HCCS: variants seen among roughly 807,000 people sequenced by gnomAD.
HCCS encodes the protein holocytochrome c synthase.
HCCS carries 2 observed loss-of-function variants against 24.2 expected under a neutral mutation model. That is an observed-to-expected ratio of 0.08 (90% confidence interval 0.03 to 0.26). The LOEUF is 0.26. Ranked by LOEUF, HCCS falls within the 10% of genes least tolerant of loss-of-function variation. The pLI is 1.00. For missense variants in HCCS, 150 were observed against 213.3 expected (o/e 0.70, Z 1.85); for synonymous variants, 73 against 76.2 (o/e 0.96, Z 0.22).
At position 11,111,355 on chromosome X, in the gene HCCS, A is replaced by AGGCGGCGGCGGCGGCGGC. The variant is rs3086668; in HGVS notation, c.-198_-181dup. The AGGCGGCGGCGGCGGCGGC allele has an allele frequency of 3.1e-4, 51 of 162,646 alleles. 3 individuals carry two copies. Among genetic ancestry groups the AGGCGGCGGCGGCGGCGGC allele is most frequent in the Middle Eastern group, 2.3e-3 (1 of 430 alleles). The allele number at this position is 162,646 out of a possible 1,213,427, so 13.4% of individuals were successfully genotyped here. A position where few individuals can be genotyped will look rare whatever the true frequency, so the allele number is the denominator to read the frequency against. ...CCACAGCGGTGACCGAGTGAGAGGA[A>AGGCGGCGGCGGCGGCGGC]GGCGGCGGCGGCGGCGGCGGCGGCG... is the stretch of plus-strand genomic sequence containing the variant. On this transcript the variant is annotated 5_prime_UTR_variant, in exon 1 of 7. Transcript: ENST00000380762.
chrX:11,112,485 A>G (rs187097200), intron 2 of HCCS, among the ~76,000 whole-genome samples: 1 of 111,814 alleles, frequency 8.9e-6, no homozygotes, highest in Non-Finnish European at 1.9e-5. Context: ...TGTCTTAAAA[A>G]AAGTCTGGAA....
In HCCS at chrX:11,118,620, CG is replaced by C; in HGVS notation, c.521+1del. The C allele has an allele frequency of 8.3e-7, 1 of 1,206,405 alleles. No individual in the cohort carries two copies. The highest frequency in any genetic ancestry group is 1.1e-6 in the Non-Finnish European group (1 of 890,731). ...TTGAAGTGGGAAGCCCTTCATGCTG[CG>C]TAAGTATGTTTGAGATCTTAAATGT... On this transcript the variant is annotated splice_donor_variant, in intron 5 of 6. Transcript: ENST00000380762. LOFTEE classifies it high-confidence loss of function.
At chrX:11,117,594 G>C (rs1489239086) in intron 4 of HCCS, among the ~76,000 whole-genome samples, 179 bp downstream of exon 4, 1 of 111,623 alleles carries the variant, frequency 9.0e-6, no homozygotes, top group Non-Finnish European at 1.9e-5. Context: ...ATTAAATCAG[G>C]GTTCTCAAGA....
intron 6 of HCCS, 138 bp from the exon 7 acceptor site, chrX:11,121,474 A>G (rs1239553734): frequency 1.9e-6 from 1 of 529,292 alleles, no homozygotes; most frequent in Non-Finnish European, 3.4e-6. Context: ...TTCACTGTGT[A>G]ATTCTTCAAG....
At chrX:11,120,829 T>C in intron 5 of HCCS, 78 bp from the exon 6 acceptor site, 1 of 801,373 alleles carries the variant, frequency 1.2e-6, no homozygotes, top group Non-Finnish European at 1.9e-6. Flanking sequence ...AAATGGATAT[T>C]ACTAAAAAAT....
intron 3 of HCCS, among the ~76,000 whole-genome samples, chrX:11,115,328 C>CT (rs750739502): frequency 8.9e-6 from 1 of 111,908 alleles, no homozygotes; most frequent in East Asian, 2.8e-4. Context: ...TCTGGGGAAA[C>CT]TTTGTAGACA....
chrX:11,112,211 G>A lies in HCCS; in HGVS notation c.100+51G>A, dbSNP rs577663756. 51 of 979,532 alleles carry A rather than the reference G, an allele frequency of 5.2e-5. 1 individual carries two copies. Among genetic ancestry groups the A allele is most frequent in the African/African-American group, 4.7e-4 (25 of 52,783 alleles). The allele number at this position is 979,532 out of a possible 1,213,427, so 80.7% of individuals were successfully genotyped here. ...AAAAACAAAAGATAATTCACGGCTG[G>A]GTGCGGTGGTTCACGCCTGTGACAG... On this transcript the variant is annotated intron_variant, in intron 2 of 6. Transcript: ENST00000380762.
Position 11,112,125 on chromosome X carries a change from C to G in HCCS, c.65C>G (p.Pro22Arg). The change falls in exon 2 of 7, where the codon CCT becomes CGT. Residue 22 changes from proline (P) to arginine (R), a missense_variant. By Grantham distance (103) the Pro-to-Arg change is moderately radical. Coordinates refer to ENST00000380762, the MANE Select transcript of HCCS (RefSeq NM_005333.5). ...VQASNASASP[P>R]SGCPMHEGKM... Reference sequence around the variant, plus strand: ...GCCTCAAATGCTTCAGCGTCCCCACCTTCAGGATGCCCGATGCATGAAGGG... The same window carrying G: ...GCCTCAAATGCTTCAGCGTCCCCACGTTCAGGATGCCCGATGCATGAAGGG... 1.7e-6 allele frequency: 2 copies of G among 1,206,669 alleles called. No individual in the cohort carries two copies. Among genetic ancestry groups the G allele is most frequent in the Non-Finnish European group, 2.2e-6 (2 of 890,592 alleles).
intron 3 of HCCS, chrX:11,116,045 G>A (rs1210869599): frequency 8.9e-6 from 1 of 112,121 alleles, no homozygotes; most frequent in East Asian, 2.8e-4. Flanking sequence ...GTGAGAATGT[G>A]AATAACAGCT....
intron 1 of HCCS, 129 bp downstream of exon 1, chrX:11,111,647 C>T (rs2147248560): frequency 5.3e-6 from 1 of 188,283 alleles, no homozygotes; most frequent in Non-Finnish European, 9.9e-6. Context: ...CGCTAAGGCT[C>T]TGGGGATGGG....
intron 5 of HCCS, chrX:11,119,858 G>T: frequency 4.0e-6 from 1 of 250,696 alleles, no homozygotes; most frequent in Non-Finnish European, 7.4e-6. Flanking sequence ...GGAGCAAAGC[G>T]AAGAGAGAAA....
At chrX:11,114,730 A>G (rs2045435608) in intron 2 of HCCS, 105 bp from the exon 3 acceptor site, 2 of 708,615 alleles carry the variant, frequency 2.8e-6, no homozygotes, top group Non-Finnish European at 4.5e-6. Flanking sequence ...GGCTTTTCCT[A>G]TGGTGGTAAT....
At position 11,118,507 on chromosome X, in the gene HCCS, G is replaced by A; in HGVS notation, c.408G>A (p.Lys136=). 1 of 1,192,288 alleles carries A rather than the reference G, an allele frequency of 8.4e-7. No individual in the cohort carries two copies. The highest frequency in any genetic ancestry group is 1.1e-6 in the Non-Finnish European group (1 of 877,648). The part of the protein sequence containing the change: ...FWNAMLKKGW[K]WKDEDISQKD... ...ACCAAATATTCTTTCCTAGGTGGAAGTGGAAGGATGAGGATATCAGTCAGA... is the reference window on the plus strand; with the variant it reads ...ACCAAATATTCTTTCCTAGGTGGAAATGGAAGGATGAGGATATCAGTCAGA... The change falls in exon 5 of 7, where the codon AAG becomes AAA. Residue 136 remains lysine, a synonymous_variant. Transcript: ENST00000380762.
chrX:11,120,594 GT>G (rs200319031), intron 5 of HCCS, among the ~76,000 whole-genome samples: 14 of 103,961 alleles, frequency 1.3e-4, no homozygotes, highest in African/African-American at 2.4e-4. Context: ...ACTTGAGGCT[GT>G]TTTTTTTTTT....
intron 4 of HCCS, among the ~76,000 whole-genome samples, chrX:11,117,881 C>A (rs1237643432): frequency 8.9e-6 from 1 of 111,892 alleles, no homozygotes; most frequent in East Asian, 2.8e-4. Flanking sequence ...TTCCCTCTTA[C>A]TCATGGAAGG....
intron 5 of HCCS, among the ~76,000 whole-genome samples, chrX:11,119,611 A>AT (rs374694692): frequency 4.4e-5 from 5 of 112,440 alleles, no homozygotes; most frequent in Non-Finnish European, 7.5e-5. Flanking sequence ...CCACTTAATG[A>AT]TTTTTTTAAG....
rs139955716 is a variant in HCCS at position 11,121,735 on chromosome X, C to T, written c.732C>T (p.Asp244=). 17 of 1,209,182 alleles carry T rather than the reference C, an allele frequency of 1.4e-5. No homozygotes were observed. The highest frequency in any genetic ancestry group is 6.5e-5 in the Admixed American group (3 of 45,862). Residue 244 remains aspartate (D), a synonymous_variant, in exon 7 of 7, where the codon GAC becomes GAT. Coordinates refer to ENST00000380762, the MANE Select transcript of HCCS (RefSeq NM_005333.5). ...VNKDYQFTIL[D]VRPALDSLSA... ...AGGACTACCAGTTCACCATCCTGGACGTCCGTCCTGCCTTAGATTCACTTT... is the reference window on the plus strand; with the variant it reads ...AGGACTACCAGTTCACCATCCTGGATGTCCGTCCTGCCTTAGATTCACTTT...
Position 11,122,835 on chromosome X carries a change from T to G in HCCS, c.*1025T>G, listed in dbSNP as rs761942801. On this transcript the variant is annotated 3_prime_UTR_variant, in exon 7 of 7. Coordinates refer to ENST00000380762, the MANE Select transcript of HCCS (RefSeq NM_005333.5). ...TTGTACCAGTAATCCATAAACTGGT[T>G]GTTCTATTTATAGCAGCATGTTACA... is the stretch of plus-strand genomic sequence containing the variant. 5.2e-4 allele frequency: 58 copies of G among 112,177 alleles called. No homozygotes were observed. The highest frequency in any genetic ancestry group is 4.7e-3 in the Admixed American group (49 of 10,435). 9.2% of individuals were successfully genotyped at this position (112,177 alleles called of 1,213,427 possible).
In HCCS at chrX:11,118,170, A is replaced by G. The variant is rs7885793; in HGVS notation, c.402-331A>G. On this transcript the variant is annotated intron_variant, in intron 4 of 6. Transcript: ENST00000380762. ...AATGTTTAGAAAAAGTTAGGGGATC[A>G]TTGATCAGTGGTACTATCTGAACAA... 0.016 allele frequency among the ~76,000 whole-genome samples: 1,801 copies of G among 112,359 alleles called. 43 individuals are homozygous for G. Among genetic ancestry groups the G allele is most frequent in the African/African-American group, 0.054 (1,657 of 30,894 alleles).
Sources: gnomAD v4.1 joint callset for allele counts (sites outside exome capture counted in the v4.1 genomes callset) on GRCh38, gnomAD v4.1.1 for gene constraint, MANE v1.5 for transcripts, NCBI Gene and HGNC (gene_info 2026-07-23, HGNC 2026-07-21) for gene names.